TPD52: variants seen among roughly 807,000 people sequenced by gnomAD.
TPD52 encodes tumor protein D52.
TPD52 carries 17 observed loss-of-function variants against 31.3 expected under a neutral mutation model. The observed-to-expected ratio is 0.54, with a 90% CI of 0.37 to 0.82. TPD52 has a LOEUF of 0.82. TPD52 is among the 40% of genes least tolerant of loss of function. The pLI is 0.00. For missense variants in TPD52, 212 were observed against 240.1 expected (o/e 0.88, Z 0.77); for synonymous variants, 83 against 89.6 (o/e 0.93, Z 0.42).
At chr8:80,069,036 T>C (rs919713776) in intron 1 of TPD52, among the ~76,000 whole-genome samples, 1 of 152,212 alleles carries the variant, frequency 6.6e-6, no homozygotes, top group Admixed American at 6.5e-5. Context: ...CCAAGTTGAA[T>C]AGCAATTCAA....
chr8:80,042,455 A>C (rs1586135157), intron 7 of TPD52, 165 bp downstream of exon 7: 2 of 985,378 alleles, frequency 2.0e-6, no homozygotes, highest in East Asian at 2.3e-4. Flanking sequence ...AAAGATATTA[A>C]GTACATAACA....
At chr8:80,113,864 C>G (rs1275326633) in intron 1 of TPD52, among the ~76,000 whole-genome samples, 1 of 152,156 alleles carries the variant, frequency 6.6e-6, no homozygotes, top group Non-Finnish European at 1.5e-5. Flanking sequence ...CTGATTTGAT[C>G]ATTACACATT....
intron 7 of TPD52, among the ~76,000 whole-genome samples, chr8:80,038,677 A>T (rs1014477718): frequency 6.6e-6 from 1 of 152,226 alleles, no homozygotes; most frequent in Non-Finnish European, 1.5e-5. Flanking sequence ...TTACAGTATA[A>T]GCTTTCTAAC....
intron 2 of TPD52, among the ~76,000 whole-genome samples, chr8:80,060,394 A>C (rs1296990796): frequency 1.3e-5 from 2 of 152,062 alleles, no homozygotes; most frequent in East Asian, 3.8e-4. Flanking sequence ...CCCAAAGAAA[A>C]GTGTAAAAGT....
chr8:80,092,893 T>C (rs937299534), intron 1 of TPD52, among the ~76,000 whole-genome samples: 2 of 150,252 alleles, frequency 1.3e-5, no homozygotes, highest in Admixed American at 6.6e-5. Context: ...GAATAAAGGA[T>C]GGAATAAAGG....
chr8:80,048,242 C>T (rs1443156400), intron 5 of TPD52, among the ~76,000 whole-genome samples: 2 of 152,086 alleles, frequency 1.3e-5, no homozygotes, highest in Non-Finnish European at 2.9e-5. Flanking sequence ...TATACATCTC[C>T]CTCCCCTCAA....
At chr8:80,079,065 C>T (rs1352901113) in intron 1 of TPD52, among the ~76,000 whole-genome samples, 2 of 152,196 alleles carry the variant, frequency 1.3e-5, no homozygotes. Flanking sequence ...CCCTCCCCCG[C>T]AAGTCACTTG....
intron 1 of TPD52, chr8:80,158,935 C>G (rs1465759536): frequency 1.0e-5 from 1 of 96,372 alleles, no homozygotes; most frequent in South Asian, 3.8e-4. Context: ...CAGAGCGAGA[C>G]TCCGTCTCAA....
chr8:80,031,342 A>T (rs944956351), downstream of TPD52, among the ~76,000 whole-genome samples: 2 of 152,248 alleles, frequency 1.3e-5, no homozygotes, highest in Admixed American at 6.5e-5. Context: ...GCACAATTGT[A>T]TGAATCACAT....
intron 1 of TPD52, among the ~76,000 whole-genome samples, chr8:80,076,727 T>C (rs1814588347): frequency 6.6e-6 from 1 of 152,054 alleles, no homozygotes; most frequent in Non-Finnish European, 1.5e-5. Context: ...CAGGCTGGAG[T>C]GCAGTGGTGT....
At chr8:80,067,523 T>C (rs971271115) in intron 1 of TPD52, among the ~76,000 whole-genome samples, 1 of 152,122 alleles carries the variant, frequency 6.6e-6, no homozygotes, top group African/African-American at 2.4e-5. Context: ...GTGTTTTAAA[T>C]ACTTATGTGC....
intron 1 of TPD52, among the ~76,000 whole-genome samples, chr8:80,145,432 A>G (rs569555083): frequency 6.6e-6 from 1 of 152,334 alleles, no homozygotes; most frequent in African/African-American, 2.4e-5. Context: ...GCTACTGAAG[A>G]AGCTAGACTA....
chr8:80,149,703 T>C (rs1372798609), intron 1 of TPD52, among the ~76,000 whole-genome samples: 1 of 152,188 alleles, frequency 6.6e-6, no homozygotes, highest in Non-Finnish European at 1.5e-5. Context: ...ACTTGGGAAC[T>C]GGAGCAAAGG....
At position 80,038,124 on chromosome 8, in the gene TPD52, T is replaced by C; in HGVS notation, c.616A>G (p.Ser206Gly). 1 of 1,613,940 alleles carries C rather than the reference T, an allele frequency of 6.2e-7. No individual in the cohort carries two copies. The highest frequency in any genetic ancestry group is 1.3e-5 in the African/African-American group (1 of 75,022). Reference sequence around the variant, plus strand: ...GAACAAAGGTAGGAATCTCACAGGCTCTCCTGTGTCTTTTCTGGAAGAGGC... The same window carrying C: ...GAACAAAGGTAGGAATCTCACAGGCCCTCCTGTGTCTTTTCTGGAAGAGGC... The part of the protein sequence containing the change: ...TEPLPEKTQE[S>G]L Residue 206 changes from serine (S) to glycine (G), a missense_variant, in exon 8 of 8, where the codon AGC becomes GGC. Transcript: ENST00000518937.
chr8:80,161,445 T>C (rs1442906185), intron 1 of TPD52, among the ~76,000 whole-genome samples: 2 of 152,212 alleles, frequency 1.3e-5, no homozygotes, highest in South Asian at 2.1e-4. Flanking sequence ...ATATGAGAAA[T>C]ATTTATGGAG....
chr8:80,145,981 G>A (rs1810164478), intron 1 of TPD52, among the ~76,000 whole-genome samples: 1 of 152,154 alleles, frequency 6.6e-6, no homozygotes, highest in African/African-American at 2.4e-5. Context: ...CTCAGTGTGA[G>A]CTCTCCCCCA....
At chr8:80,088,361 A>G (rs892902587) in intron 1 of TPD52, among the ~76,000 whole-genome samples, 1 of 152,198 alleles carries the variant, frequency 6.6e-6, no homozygotes, top group Admixed American at 6.5e-5. Flanking sequence ...TAAAGCAACA[A>G]TTCTTCATTA....
chr8:80,047,456 T>C (rs1423993100), intron 5 of TPD52, among the ~76,000 whole-genome samples: 2 of 152,192 alleles, frequency 1.3e-5, no homozygotes, highest in Non-Finnish European at 2.9e-5. Context: ...AATATAAGCA[T>C]ATCACGTTGA....
At chr8:80,044,462 G>C (rs1188252357) in intron 5 of TPD52, among the ~76,000 whole-genome samples, 3 of 152,140 alleles carry the variant, frequency 2.0e-5, no homozygotes, top group Admixed American at 1.3e-4. Context: ...GAAAACTAAA[G>C]TGCTTTCACC....
Sources: allele counts gnomAD v4.1 joint callset (sites outside exome capture counted in the v4.1 genomes callset), GRCh38; gene constraint gnomAD v4.1.1; transcripts MANE v1.5; gene names NCBI Gene and HGNC (gene_info 2026-07-23, HGNC 2026-07-21).